EXOC3L4: variants seen among roughly 807,000 people sequenced by gnomAD.
EXOC3L4 encodes the protein exocyst complex component 3-like protein 4.
In EXOC3L4, 62 loss-of-function variants were observed where a neutral mutation model predicts 69.7. That is an observed-to-expected ratio of 0.89 (90% CI 0.72 to 1.10). The LOEUF (loss-of-function observed/expected upper bound fraction) is 1.10. Among genes scored for constraint, EXOC3L4 ranks in the 50% least tolerant of loss-of-function variants. The pLI, the probability that EXOC3L4 is intolerant of heterozygous loss-of-function variation, is 0.00. For synonymous variants in EXOC3L4, 502 were observed against 464.2 expected, an observed-to-expected ratio of 1.08 and a Z score of -1.05; for missense variants, 1,087 against 1,034.8, an observed-to-expected ratio of 1.05 and a Z score of -0.69.
intron 8 of EXOC3L4, 96 bp downstream of exon 8, chr14:103,106,995 TC>T: frequency 1.9e-6 from 2 of 1,053,052 alleles, no homozygotes; most frequent in Non-Finnish European, 2.7e-6. Flanking sequence ...ATTCATTTAT[TC>T]CAGGGTGAGC....
chr14:103,100,280 G>A lies in EXOC3L4; in HGVS notation c.61G>A (p.Glu21Lys). 1.9e-6 allele frequency: 3 copies of A among 1,578,842 alleles called. No individual in the cohort carries two copies. Among genetic ancestry groups the A allele is most frequent in the Non-Finnish European group, 2.6e-6 (3 of 1,161,496 alleles). ...PELQSPKEAE[E>K]PQTPAQGSRR... The stretch of plus-strand genomic sequence containing the variant: ...GCTGCAGAGTCCCAAGGAGGCTGAG[G>A]AGCCACAGACTCCAGCTCAGGGCTC... Residue 21 changes from glutamate to lysine, a missense_variant, in exon 2 of 12, where the codon GAG becomes AAG. By Grantham distance (56) the Glu-to-Lys change is moderately conservative. Coordinates refer to ENST00000688303, the MANE Select transcript of EXOC3L4 (RefSeq NM_001077594.2).
chr14:103,097,594 T>C lies in EXOC3L4; in HGVS notation c.-16-2610T>C, dbSNP rs907109037. 2.0e-5 allele frequency among the ~76,000 whole-genome samples: 3 copies of C among 152,238 alleles called. No homozygotes were observed. Among genetic ancestry groups the C allele is most frequent in the Non-Finnish European group, 2.9e-5 (2 of 68,006 alleles). On this transcript the variant is annotated intron_variant, in intron 1 of 11. Coordinates refer to ENST00000688303, the MANE Select transcript of EXOC3L4 (RefSeq NM_001077594.2). This position sits in a 1 kb window ranked among gnomAD's most constrained non-coding sequence, Gnocchi z 4.9. ...ACCGATGTTCCGCCTGCTTCCAGGCTGTGCTCAGGGGTGACCGGGGTAGAT... is the reference window on the plus strand; with the variant it reads ...ACCGATGTTCCGCCTGCTTCCAGGCCGTGCTCAGGGGTGACCGGGGTAGAT...
In EXOC3L4 at chr14:103,110,130, C is replaced by A; in HGVS notation, c.2076C>A (p.Ala692=). ...QHTQDLLRAA[A]GAAGAEAPRG... ...CTCAAGACCTGCTGAGAGCTGCGGCCGGGGCGGCGGGTGCGGAGGCCCCTC... is the reference window on the plus strand; with the variant it reads ...CTCAAGACCTGCTGAGAGCTGCGGCAGGGGCGGCGGGTGCGGAGGCCCCTC... Residue 692 remains alanine, a synonymous_variant, in exon 12 of 12, where the codon GCC becomes GCA. Coordinates refer to ENST00000688303, the MANE Select transcript of EXOC3L4 (RefSeq NM_001077594.2). 6.4e-7 allele frequency: 1 copy of A among 1,554,170 alleles called. No homozygotes were observed. The highest frequency in any genetic ancestry group is 1.2e-5 in the South Asian group (1 of 84,492).
In EXOC3L4 at chr14:103,104,768, G is replaced by T; in HGVS notation, c.1315G>T (p.Ala439Ser). ...LVAEHVKAAG[A>S]ISAELEATTL... ...GGCCGAGCACGTGAAGGCGGCCGGC[G>T]CCATCTCCGCGGAGCTGGAGGCCAC... Residue 439 changes from alanine to serine, a missense_variant, in exon 6 of 12, where the codon GCC becomes TCC. Physicochemically the swap from Ala to Ser is moderately conservative, Grantham distance 99. Coordinates refer to ENST00000688303, the MANE Select transcript of EXOC3L4 (RefSeq NM_001077594.2). The T allele has an allele frequency of 6.6e-7, 1 of 1,522,064 alleles. No homozygotes were observed. Among genetic ancestry groups the T allele is most frequent in the Non-Finnish European group, 8.8e-7 (1 of 1,133,114 alleles). 94.3% of individuals were successfully genotyped at this position (1,522,064 alleles called of 1,614,324 possible). A position where few individuals can be genotyped will look rare whatever the true frequency, so the allele number is the denominator to read the frequency against.
chr14:103,097,834 G>C lies in EXOC3L4; in HGVS notation c.-16-2370G>C, dbSNP rs1465348370. ...CTGGGCGTGCAGCCGGGAGGACAGA[G>C]AAGAAGCTGGGTGGGGTGCAGGTTG... On this transcript the variant is annotated intron_variant, in intron 1 of 11. Transcript: ENST00000688303. This position sits in a 1 kb window ranked among gnomAD's most constrained non-coding sequence, Gnocchi z 4.9. Among the ~76,000 whole-genome samples the C allele has an allele frequency of 6.6e-6, 1 of 152,052 alleles. No homozygotes were observed. The highest frequency in any genetic ancestry group is 1.5e-5 in the Non-Finnish European group (1 of 68,006).
In EXOC3L4 at chr14:103,097,341, T is replaced by C. The variant is rs776861506; in HGVS notation, c.-17+2501T>C. On this transcript the variant is annotated intron_variant, in intron 1 of 11. Coordinates refer to ENST00000688303, the MANE Select transcript of EXOC3L4 (RefSeq NM_001077594.2). The surrounding 1 kb of genome is among the most constrained non-coding windows in gnomAD (Gnocchi z 4.9). ...GCCTTGCAATCAGGGAGCGGCAGCA[T>C]AGGAGCCGGGGCCCCCTGGACTCTC... is the stretch of plus-strand genomic sequence containing the variant. Among the ~76,000 whole-genome samples, 18 of 151,910 alleles carry C rather than the reference T, an allele frequency of 1.2e-4. No individual in the cohort carries two copies. The highest frequency in any genetic ancestry group is 1.9e-4 in the African/African-American group (8 of 41,354).
At chr14:103,101,374 T>C in intron 2 of EXOC3L4, among the ~76,000 whole-genome samples, 1 of 152,252 alleles carries the variant, frequency 6.6e-6, no homozygotes, top group East Asian at 1.9e-4. Flanking sequence ...CTTTAAATTC[T>C]TGCAGCATCT....
rs752353823 is a variant in EXOC3L4, at chr14:103,107,803, C to T, written c.1854+20C>T. 4.8e-4 allele frequency: 716 copies of T among 1,493,202 alleles called. No homozygotes were observed. Among genetic ancestry groups the T allele is most frequent in the Non-Finnish European group, 6.2e-4 (687 of 1,114,300 alleles). The allele number at this position is 1,493,202 out of a possible 1,614,324, so 92.5% of individuals were successfully genotyped here. A position where few individuals can be genotyped will look rare whatever the true frequency, so the allele number is the denominator to read the frequency against. On this transcript the variant is annotated intron_variant, in intron 10 of 11. Transcript: ENST00000688303. ...GGCCTGGTAGGGGCGGCATGACTGC[C>T]CTTCGGTGCTCGCCTCTGTGTGGGG...
chr14:103,107,710 G>A lies in EXOC3L4; in HGVS notation c.1781G>A (p.Gly594Asp). Residue 594 changes from glycine (G) to aspartate (D), a missense_variant, in exon 10 of 12, where the codon GGC becomes GAC. Gly to Asp is a moderately conservative substitution (Grantham distance 94, BLOSUM62 -1). Transcript: ENST00000688303. ...CTGAGGCCACGGGAGCGGTTCCGGG[G>A]CATGGAGCGCATGCATGGCTCCCAG... is the stretch of plus-strand genomic sequence containing the variant. ...RALRPRERFR[G>D]MERMHGSQKM... The A allele has an allele frequency of 1.3e-6, 2 of 1,552,088 alleles. No individual in the cohort carries two copies. The highest frequency in any genetic ancestry group is 2.4e-5 in the East Asian group (1 of 41,330).
chr14:103,107,516 C>A lies in EXOC3L4; in HGVS notation c.1674C>A (p.Leu558=). The A allele has an allele frequency of 6.2e-7, 1 of 1,613,796 alleles. No individual in the cohort carries two copies. The highest frequency in any genetic ancestry group is 1.7e-5 in the Admixed American group (1 of 60,034). The change falls in exon 9 of 12, where the codon CTC becomes CTA. Residue 558 remains leucine, a synonymous_variant. Coordinates refer to ENST00000688303, the MANE Select transcript of EXOC3L4 (RefSeq NM_001077594.2). ...AGGTGGTGACCTTCGCCGGTCATCT[C>A]CAGCGTGTGGCCCGGCCGCGGGCAC... is the stretch of plus-strand genomic sequence containing the variant. ...MDKVVTFAGH[L]QRVARPRAQE...
chr14:103,103,797 C>T (rs147121761), intron 3 of EXOC3L4, 144 bp from the exon 4 acceptor site: 99,760 of 431,934 alleles, frequency 0.23, 11,215 homozygotes, highest in South Asian at 0.25. Flanking sequence ...GGCGCGCGCG[C>T]GTGTGTGTGT....
At chr14:103,100,902 ATTTTT>A (rs34995113) in intron 2 of EXOC3L4, among the ~76,000 whole-genome samples, 2 of 131,438 alleles carry the variant, frequency 1.5e-5, no homozygotes, top group Non-Finnish European at 3.2e-5. Context: ...CACCCGGCTA[ATTTTT>A]TTTTTTTTTT....
intron 3 of EXOC3L4, 83 bp downstream of exon 3, chr14:103,102,855 C>T (rs1457404653): frequency 7.3e-6 from 9 of 1,239,776 alleles, no homozygotes; most frequent in African/African-American, 1.6e-5. Context: ...TGAGGAGCAC[C>T]GGACCTTTCT....
In EXOC3L4 at chr14:103,097,979, C is replaced by T. The variant is rs1357104049; in HGVS notation, c.-16-2225C>T. Among the ~76,000 whole-genome samples the T allele has an allele frequency of 6.6e-6, 1 of 152,006 alleles. No individual in the cohort carries two copies. Among genetic ancestry groups the T allele is most frequent in the Non-Finnish European group, 1.5e-5 (1 of 67,992 alleles). ...CGGGCAGGAGGGAACCATGGAAGGGCTTAAAGCAGGGGAGTGACCTGGCTG... is the reference window on the plus strand; with the variant it reads ...CGGGCAGGAGGGAACCATGGAAGGGTTTAAAGCAGGGGAGTGACCTGGCTG... On this transcript the variant is annotated intron_variant, in intron 1 of 11. Transcript: ENST00000688303. The surrounding 1 kb of genome is among the most constrained non-coding windows in gnomAD (Gnocchi z 4.9).
chr14:103,104,515 C>A (rs1173780577), intron 5 of EXOC3L4, 126 bp downstream of exon 5: 4 of 1,378,246 alleles, frequency 2.9e-6, no homozygotes, highest in Non-Finnish European at 3.8e-6. Context: ...GCCTGAGGCC[C>A]CACGCGGGGG....
In EXOC3L4 at chr14:103,104,411, TGAGAAGG is replaced by T. The variant is rs1461396351; in HGVS notation, c.1284+24_1284+30del. On this transcript the variant is annotated intron_variant, in intron 5 of 11. Transcript: ENST00000688303. ...TATGGTGCGGCCCGGGAGCAGGGGC[TGAGAAGG>T]GGCGTCTGTTCAAGCCTCACGCACA... 6 of 1,535,124 alleles carry T rather than the reference TGAGAAGG, an allele frequency of 3.9e-6. No individual in the cohort carries two copies. The Admixed American group carries it at 1.2e-4, about 31-fold the overall frequency.
rs1890626374 is a variant in EXOC3L4 at position 103,107,453 on chromosome 14, C to T, written c.1611C>T (p.Asp537=). 1 of 1,613,872 alleles carries T rather than the reference C, an allele frequency of 6.2e-7. No homozygotes were observed. Among genetic ancestry groups the T allele is most frequent in the African/African-American group, 1.3e-5 (1 of 74,948 alleles). ...TCTTCAGGGTTGTGTGCACCAGGGA[C>T]TGGCTGACGCAGGACTGGCTGCATC... is the stretch of plus-strand genomic sequence containing the variant. ...QPLFRVVCTR[D]WLTQDWLHPL... The change falls in exon 9 of 12, where the codon GAC becomes GAT. Residue 537 remains aspartate, a synonymous_variant. Transcript: ENST00000688303.
intron 6 of EXOC3L4, 30 bp downstream of exon 6, chr14:103,104,868 C>A: frequency 1.3e-6 from 2 of 1,521,868 alleles, no homozygotes; most frequent in Non-Finnish European, 1.8e-6. Flanking sequence ...AGGGGAGCGA[C>A]CTGGCCGGGT....
intron 10 of EXOC3L4, 45 bp from the exon 11 acceptor site, chr14:103,108,351 G>T: frequency 1.2e-6 from 2 of 1,603,496 alleles, no homozygotes; most frequent in East Asian, 4.5e-5. Context: ...TTGGAGCAGC[G>T]GTGGGGAGAG....
Sources: gnomAD v4.1 joint callset for allele counts (sites outside exome capture counted in the v4.1 genomes callset) on GRCh38, gnomAD v4.1.1 for gene constraint, Gnocchi (gnomAD v3.1) non-coding constraint, MANE v1.5 for transcripts, NCBI Gene and HGNC (gene_info 2026-07-23, HGNC 2026-07-21) for gene names.